THRB: variants seen among roughly 807,000 people sequenced by gnomAD.
THRB encodes the protein thyroid hormone receptor beta.
THRB carries 12 observed loss-of-function variants against 47.8 expected under a neutral mutation model. The ratio of observed to expected loss-of-function variants is 0.25; its 90% confidence interval spans 0.16 to 0.41. The LOEUF (loss-of-function observed/expected upper bound fraction) is 0.41, where lower values mean the gene tolerates loss of function less well. Ranked by LOEUF, THRB falls within the 10% of genes least tolerant of loss-of-function variation. The pLI is 1.00. For missense variants in THRB, 348 were observed against 589.2 expected (o/e 0.59, Z 4.24); for synonymous variants, 218 against 212.2 (o/e 1.03, Z -0.24).
At chr3:24,140,880 T>G (rs564150433) in intron 8 of THRB, among the ~76,000 whole-genome samples, 263 of 152,228 alleles carry the variant, frequency 1.7e-3, no homozygotes, top group African/African-American at 6.0e-3. Flanking sequence ...GCATAGATAC[T>G]CAAGTGTGGA....
At chr3:24,295,126 T>C (rs1236696736) in intron 3 of THRB, among the ~76,000 whole-genome samples, 1 of 152,204 alleles carries the variant, frequency 6.6e-6, no homozygotes, top group Non-Finnish European at 1.5e-5. Flanking sequence ...CAGATTTAAA[T>C]ATATAACGGG....
intron 1 of THRB, among the ~76,000 whole-genome samples, chr3:24,440,600 A>G (rs1251851856): frequency 2.6e-5 from 4 of 152,234 alleles, no homozygotes; most frequent in Non-Finnish European, 5.9e-5. Flanking sequence ...GAGCAGTTTT[A>G]CAAATAAAAA....
At chr3:24,317,579 T>C (rs1386638453) in intron 2 of THRB, among the ~76,000 whole-genome samples, 3 of 152,040 alleles carry the variant, frequency 2.0e-5, no homozygotes, top group South Asian at 4.2e-4. Context: ...CTCAGAGCCA[T>C]TGCACTGGCT....
chr3:24,350,996 A>C (rs1345712413), intron 1 of THRB, among the ~76,000 whole-genome samples: 1 of 152,164 alleles, frequency 6.6e-6, no homozygotes, highest in Non-Finnish European at 1.5e-5. Context: ...ATGGTATAAA[A>C]GAGGAGGCTA....
chr3:24,123,134 A>C lies in THRB; in HGVS notation c.1145-9T>G. ...GGCAAGCCCCGGGCGATCTGCGGGG[A>C]AGAGAGAAGATGGACATTGATTCAG... is the stretch of plus-strand genomic sequence containing the variant. On this transcript the variant is annotated splice_polypyrimidine_tract_variant and intron_variant, in intron 10 of 10. Coordinates refer to ENST00000646209, the MANE Select transcript of THRB (RefSeq NM_001354712.2). 6.2e-7 allele frequency: 1 copy of C among 1,613,932 alleles called. No individual in the cohort carries two copies. Among genetic ancestry groups the C allele is most frequent in the Non-Finnish European group, 8.5e-7 (1 of 1,179,932 alleles).
rs1349373786 is a variant in THRB at position 24,233,543 on chromosome 3, G to GAAAGAAAAAGGA, written c.-42-4543_-42-4542insTCCTTTTTCTTT. ...GAAGGAAGGAAGGAAAAGAAAGAAA[G>GAAAGAAAAAGGA]AGAAAGAAAGAAAAAGGAAGAAAGA... On this transcript the variant is annotated intron_variant, in intron 3 of 10. Transcript: ENST00000646209. Among the ~76,000 whole-genome samples, 15 of 43,674 alleles carry GAAAGAAAAAGGA rather than the reference G, an allele frequency of 3.4e-4. 1 individual carries two copies. The highest frequency in any genetic ancestry group is 5.8e-4 in the Non-Finnish European group (12 of 20,768). 28.7% of individuals were successfully genotyped at this position (43,674 alleles called of 152,430 possible). A position where few individuals can be genotyped will look rare whatever the true frequency, so the allele number is the denominator to read the frequency against.
intron 2 of THRB, among the ~76,000 whole-genome samples, chr3:24,313,077 T>C (rs760377748): frequency 2.0e-5 from 3 of 151,974 alleles, no homozygotes; most frequent in Non-Finnish European, 4.4e-5. Context: ...AGGAAGCAAG[T>C]ATGATTTCTA....
At chr3:24,234,126 C>T (rs915888157) in intron 3 of THRB, among the ~76,000 whole-genome samples, 4 of 152,182 alleles carry the variant, frequency 2.6e-5, no homozygotes, top group African/African-American at 4.8e-5. Context: ...CATTCTTTAG[C>T]TGAGTGATCT....
At chr3:24,400,315 A>T (rs1243381014) in intron 1 of THRB, among the ~76,000 whole-genome samples, 1 of 152,124 alleles carries the variant, frequency 6.6e-6, no homozygotes, top group African/African-American at 2.4e-5. Context: ...TTTTAGAAAG[A>T]TTACCACTTT....
At chr3:24,451,341 C>T (rs1014502857) in intron 1 of THRB, among the ~76,000 whole-genome samples, 1 of 148,000 alleles carries the variant, frequency 6.8e-6, no homozygotes, top group African/African-American at 2.5e-5. Context: ...TCAAGCGATT[C>T]TCCTGCCTCA....
At chr3:24,282,701 G>A in intron 3 of THRB, among the ~76,000 whole-genome samples, 1 of 148,436 alleles carries the variant, frequency 6.7e-6, no homozygotes, top group African/African-American at 2.6e-5. Context: ...GACTAATAAA[G>A]AAAAAAAGAG....
At chr3:24,230,969 G>C (rs1394728141) in intron 3 of THRB, among the ~76,000 whole-genome samples, 1 of 152,204 alleles carries the variant, frequency 6.6e-6, no homozygotes, top group Non-Finnish European at 1.5e-5. Flanking sequence ...AGGTGAGAGA[G>C]AGGATCCATC....
chr3:24,363,590 TA>T (rs1226140722), intron 1 of THRB, among the ~76,000 whole-genome samples: 1 of 152,136 alleles, frequency 6.6e-6, no homozygotes, highest in African/African-American at 2.4e-5. Context: ...ATATTTTCTC[TA>T]GATCAAAAAA....
chr3:24,132,277 A>T lies in THRB; in HGVS notation c.885+1039T>A, dbSNP rs188404446. Among the ~76,000 whole-genome samples, 417 of 152,314 alleles carry T rather than the reference A, an allele frequency of 2.7e-3. 11 individuals carry two copies. The highest frequency in any genetic ancestry group is 0.018 in the East Asian group (96 of 5,190). On this transcript the variant is annotated intron_variant, in intron 9 of 10. Coordinates refer to ENST00000646209, the MANE Select transcript of THRB (RefSeq NM_001354712.2). ...TATCTTTCTGGGTCCTCTTGAAGGT[A>T]TACAGAGCAAGAGACAAGAATCTTA...
intron 5 of THRB, among the ~76,000 whole-genome samples, chr3:24,152,802 A>T (rs146057308): frequency 6.6e-4 from 101 of 151,964 alleles, no homozygotes; most frequent in African/African-American, 2.4e-3. Flanking sequence ...CTCTACTAAA[A>T]ATACAAATAA....
chr3:24,281,994 T>C (rs1220828896), intron 3 of THRB, among the ~76,000 whole-genome samples: 3 of 138,334 alleles, frequency 2.2e-5, no homozygotes, highest in Non-Finnish European at 3.0e-5. Flanking sequence ...TGGGAGACTT[T>C]AACACCCCAC....
chr3:24,214,926 C>T (rs10510540), intron 4 of THRB, among the ~76,000 whole-genome samples: 1 of 152,116 alleles, frequency 6.6e-6, no homozygotes, highest in Non-Finnish European at 1.5e-5. Context: ...AATTAAACAT[C>T]CTTCATAGAC....
rs138040139 is a variant in THRB at position 24,297,836 on chromosome 3, T to C, written c.-188-465A>G. On this transcript the variant is annotated intron_variant, in intron 2 of 10. Coordinates refer to ENST00000646209, the MANE Select transcript of THRB (RefSeq NM_001354712.2). Reference sequence around the variant, plus strand: ...AAGCTGTGGGTTTGGACCCAGCCCATAATGCATTTTAAATGCCTCAGGTGA... The same window carrying C: ...AAGCTGTGGGTTTGGACCCAGCCCACAATGCATTTTAAATGCCTCAGGTGA... Among the ~76,000 whole-genome samples, 834 of 152,338 alleles carry C rather than the reference T, an allele frequency of 5.5e-3. 2 individuals carry two copies. The highest frequency in any genetic ancestry group is 0.012 in the Admixed American group (178 of 15,302).
chr3:24,378,670 T>C (rs575346178), intron 1 of THRB, among the ~76,000 whole-genome samples: 1 of 152,146 alleles, frequency 6.6e-6, no homozygotes, highest in Admixed American at 6.6e-5. Context: ...GGGAGACACA[T>C]GGGAGATGCC....
Sources: allele counts gnomAD v4.1 joint callset (sites outside exome capture counted in the v4.1 genomes callset), GRCh38; gene constraint gnomAD v4.1.1; transcripts MANE v1.5; gene names NCBI Gene and HGNC (gene_info 2026-07-23, HGNC 2026-07-21).